SLC4A4: variants seen among roughly 807,000 people sequenced by gnomAD.
SLC4A4 encodes solute carrier family 4 member 4.
A neutral mutation model predicts 111.5 loss-of-function variants in SLC4A4; 27 were observed. The observed-to-expected ratio is 0.24, with a 90% CI of 0.18 to 0.33. The LOEUF (loss-of-function observed/expected upper bound fraction) is 0.33, where lower values mean the gene tolerates loss of function less well. Ranked by LOEUF, SLC4A4 falls within the 10% of genes least tolerant of loss-of-function variation. SLC4A4 has a pLI of 1.00. For missense variants in SLC4A4, 909 were observed against 1,315.5 expected (o/e 0.69, Z 4.78); for synonymous variants, 443 against 463.4 (o/e 0.96, Z 0.57).
At chr4:71,526,483 T>A (rs1028562918) in intron 16 of SLC4A4, among the ~76,000 whole-genome samples, 1 of 152,148 alleles carries the variant, frequency 6.6e-6, no homozygotes, top group African/African-American at 2.4e-5. Flanking sequence ...TGAGTGTTTT[T>A]AGCTACTTTT....
intron 14 of SLC4A4, among the ~76,000 whole-genome samples, chr4:71,476,238 C>A (rs1190221118): frequency 6.6e-6 from 1 of 151,752 alleles, no homozygotes; most frequent in Non-Finnish European, 1.5e-5. Flanking sequence ...TTTTTGGTAG[C>A]AAACTGAATA....
chr4:71,407,159 C>A (rs969233771), intron 7 of SLC4A4, among the ~76,000 whole-genome samples: 3 of 152,172 alleles, frequency 2.0e-5, no homozygotes, highest in South Asian at 2.1e-4. Flanking sequence ...CGTATTCAAT[C>A]GAAGTTTCTG....
At chr4:71,395,970 TG>T (rs1719790411) in intron 6 of SLC4A4, among the ~76,000 whole-genome samples, 1 of 152,156 alleles carries the variant, frequency 6.6e-6, no homozygotes, top group South Asian at 2.1e-4. Context: ...TAGCTGGTTT[TG>T]TTTTTAAATG....
intron 1 of SLC4A4, among the ~76,000 whole-genome samples, chr4:71,218,949 C>T (rs983931358): frequency 2.6e-5 from 4 of 151,986 alleles, no homozygotes; most frequent in African/African-American, 9.7e-5. Context: ...TGGGAACATC[C>T]TTCTTCTTCT....
intron 1 of SLC4A4, among the ~76,000 whole-genome samples, chr4:71,208,321 C>T (rs1482180755): frequency 6.6e-6 from 1 of 151,862 alleles, no homozygotes. Flanking sequence ...GTCCCAGCTA[C>T]TCAGGAGGCT....
At chr4:71,557,645 A>T in intron 21 of SLC4A4, 67 bp from the exon 22 acceptor site, 1 of 1,458,336 alleles carries the variant, frequency 6.9e-7, no homozygotes. Context: ...ATCAGTAGTG[A>T]TTAGTTAGGC....
intron 2 of SLC4A4, among the ~76,000 whole-genome samples, chr4:71,145,521 G>A (rs771963685): frequency 2.0e-5 from 3 of 152,142 alleles, no homozygotes; most frequent in Non-Finnish European, 4.4e-5. Context: ...CAGAAGGAAC[G>A]GTACCAGCTC....
chr4:71,220,775 G>A (rs2045011), intron 1 of SLC4A4, among the ~76,000 whole-genome samples: 37 of 151,968 alleles, frequency 2.4e-4, no homozygotes, highest in Middle Eastern at 3.4e-3. Flanking sequence ...ATAGGTAAAC[G>A]CATGTCATGG....
chr4:71,495,749 GA>G (rs1418374364), intron 15 of SLC4A4, among the ~76,000 whole-genome samples: 1 of 152,092 alleles, frequency 6.6e-6, no homozygotes, highest in African/African-American at 2.4e-5. Flanking sequence ...AAGGACAGGA[GA>G]AATTTATCTT....
chr4:71,138,976 C>T lies in SLC4A4; in HGVS notation c.-2+46184C>T, dbSNP rs936576968. On this transcript the variant is annotated intron_variant, in intron 2 of 26. Coordinates refer to the SLC4A4 transcript ENST00000649996. The stretch of plus-strand genomic sequence containing the variant: ...GTGTGAACCCGGGAGGCGGAGCTTG[C>T]AGTGAGCAGAGATCGTGCCACTGCA... 6.7e-5 allele frequency among the ~76,000 whole-genome samples: 9 copies of T among 133,348 alleles called. No individual in the cohort carries two copies. In the Admixed American group the frequency reaches 8.0e-4, roughly 12 times the overall value. 87.5% of individuals were successfully genotyped at this position (133,348 alleles called of 152,430 possible).
intron 3 of SLC4A4, among the ~76,000 whole-genome samples, chr4:71,332,087 T>G (rs1289765137): frequency 6.6e-6 from 1 of 152,154 alleles, no homozygotes; most frequent in East Asian, 1.9e-4. Flanking sequence ...AGGCTAAAGG[T>G]TTGTCATTTT....
chr4:71,472,330 T>C (rs1456641729), intron 13 of SLC4A4, among the ~76,000 whole-genome samples: 1 of 151,918 alleles, frequency 6.6e-6, no homozygotes, highest in Non-Finnish European at 1.5e-5. Flanking sequence ...TATGAACCCA[T>C]AAAACTCATA....
chr4:71,182,742 A>ACACACACACACACT (rs1188143392), upstream of SLC4A4, among the ~76,000 whole-genome samples: 2 of 128,368 alleles, frequency 1.6e-5, no homozygotes, highest in African/African-American at 6.1e-5. Context: ...ACACACACAC[A>ACACACACACACACT]CTCTCTCTCA....
intron 2 of SLC4A4, among the ~76,000 whole-genome samples, chr4:71,147,714 G>A (rs577323212): frequency 3.3e-5 from 5 of 152,226 alleles, no homozygotes; most frequent in East Asian, 1.9e-4. Context: ...AGGATCTCAC[G>A]GTTGTCCAGG....
At chr4:71,397,697 T>C in intron 7 of SLC4A4, 44 bp downstream of exon 7, 1 of 1,496,638 alleles carries the variant, frequency 6.7e-7, no homozygotes. Context: ...AGAGAACGTA[T>C]ATCTAAAAGA....
At chr4:71,097,260 T>C (rs1195628238) in intron 2 of SLC4A4, among the ~76,000 whole-genome samples, 1 of 152,146 alleles carries the variant, frequency 6.6e-6, no homozygotes, top group Non-Finnish European at 1.5e-5. Flanking sequence ...CAGTTACAAG[T>C]GAGGACACGT....
At chr4:71,389,586 C>T (rs1423969043) in intron 6 of SLC4A4, among the ~76,000 whole-genome samples, 2 of 152,186 alleles carry the variant, frequency 1.3e-5, no homozygotes, top group African/African-American at 4.8e-5. Flanking sequence ...CAGAGTCTTT[C>T]AGTTCTGTTA....
At chr4:71,430,058 G>A (rs1210929646) in intron 7 of SLC4A4, among the ~76,000 whole-genome samples, 2 of 152,158 alleles carry the variant, frequency 1.3e-5, no homozygotes, top group Non-Finnish European at 2.9e-5. Context: ...GATAATGTGT[G>A]AATCAGTGTT....
At chr4:71,383,974 A>G (rs930174441) in intron 6 of SLC4A4, among the ~76,000 whole-genome samples, 3 of 152,162 alleles carry the variant, frequency 2.0e-5, no homozygotes, top group African/African-American at 7.2e-5. Context: ...GCAGAGCCAA[A>G]TATCTTCACC....
Sources: allele counts gnomAD v4.1 joint callset (sites outside exome capture counted in the v4.1 genomes callset), GRCh38; gene constraint gnomAD v4.1.1; transcripts MANE v1.5; gene names NCBI Gene and HGNC (gene_info 2026-07-23, HGNC 2026-07-21).